Variants in CWC27 observed in about 807,000 individuals in gnomAD.
CWC27 encodes CWC27 spliceosome associated cyclophilin, also known as spliceosome-associated protein CWC27 homolog.
CWC27 carries 47 observed loss-of-function variants against 63.6 expected under a neutral mutation model. The ratio of observed to expected loss-of-function variants is 0.74; its 90% CI spans 0.58 to 0.94. The LOEUF is 0.94. CWC27 is among the 40% of genes least tolerant of loss of function. CWC27 has a pLI of 0.00. For missense variants in CWC27, 495 were observed against 554.3 expected (o/e 0.89, Z 1.07); for synonymous variants, 175 against 179.8 (o/e 0.97, Z 0.22).
At chr5:64,771,917 G>A (rs74785753) in intron 1 of CWC27, among the ~76,000 whole-genome samples, 2,336 of 152,264 alleles carry the variant, frequency 0.015, 60 homozygotes, top group African/African-American at 0.054. Context: ...CTAGGTGTAA[G>A]TTGCCTGTGG....
At chr5:64,839,323 G>C (rs1242430215) in intron 10 of CWC27, among the ~76,000 whole-genome samples, 1 of 152,180 alleles carries the variant, frequency 6.6e-6, no homozygotes, top group Non-Finnish European at 1.5e-5. Flanking sequence ...TGAAGAAGAT[G>C]AGAGTTTGAA....
intron 10 of CWC27, among the ~76,000 whole-genome samples, chr5:64,863,768 C>T (rs1351739352): frequency 1.3e-5 from 2 of 152,154 alleles, no homozygotes; most frequent in African/African-American, 2.4e-5. Context: ...GGGTTACAGG[C>T]ATGAGACACT....
intron 13 of CWC27, among the ~76,000 whole-genome samples, chr5:64,977,486 C>A (rs1387166963): frequency 6.6e-6 from 1 of 152,134 alleles, no homozygotes; most frequent in African/African-American, 2.4e-5. Flanking sequence ...GTAAAAAATG[C>A]ACAAGAAATA....
intron 11 of CWC27, among the ~76,000 whole-genome samples, chr5:64,887,093 G>A (rs1178112531): frequency 6.6e-6 from 1 of 151,786 alleles, no homozygotes; most frequent in Admixed American, 6.6e-5. Context: ...ATAATTATTA[G>A]TACCCTCATG....
At chr5:64,769,691 C>T (rs1274723058) in intron 1 of CWC27, among the ~76,000 whole-genome samples, 1 of 152,108 alleles carries the variant, frequency 6.6e-6, no homozygotes, top group Non-Finnish European at 1.5e-5. Flanking sequence ...GTCTGATAAG[C>T]GTGCTTGTGG....
intron 1 of CWC27, chr5:64,773,873 C>T (rs1282286017): frequency 1.3e-5 from 2 of 152,096 alleles, no homozygotes; most frequent in African/African-American, 2.4e-5. Context: ...AAGGCTATCA[C>T]GGGATTCTAT....
intron 10 of CWC27, among the ~76,000 whole-genome samples, chr5:64,841,740 A>G (rs1487430286): frequency 1.3e-5 from 2 of 152,158 alleles, no homozygotes; most frequent in Non-Finnish European, 2.9e-5. Flanking sequence ...CAATGGCACA[A>G]TCGCGGCTCA....
rs147511243 is a variant in CWC27 at position 64,856,709 on chromosome 5, G to A, written c.939-28734G>A. ...TATATTAAGTAGGTGGCAGTTTAAAGAGGTTGAAATTAAGTTAAAGGTAAG... is the reference window on the plus strand; with the variant it reads ...TATATTAAGTAGGTGGCAGTTTAAAAAGGTTGAAATTAAGTTAAAGGTAAG... On this transcript the variant is annotated intron_variant, in intron 10 of 13. Coordinates refer to ENST00000381070, the MANE Select transcript of CWC27 (RefSeq NM_005869.4). Among the ~76,000 whole-genome samples, 1,388 of 152,184 alleles carry A rather than the reference G, an allele frequency of 9.1e-3. 17 individuals are homozygous for A. Among genetic ancestry groups the A allele is most frequent in the African/African-American group, 0.032 (1,332 of 41,542 alleles).
chr5:64,873,904 C>T lies in CWC27; in HGVS notation c.939-11539C>T, dbSNP rs371201865. Among the ~76,000 whole-genome samples, 450 of 152,112 alleles carry T rather than the reference C, an allele frequency of 3.0e-3. 3 individuals are homozygous for T. Among genetic ancestry groups the T allele is most frequent in the African/African-American group, 0.01 (426 of 41,522 alleles). ...AGTTTTATTCTTCTGCATGTTTTCT[C>T]AGCACTATTTCTGGAAGAGGGTATT... On this transcript the variant is annotated intron_variant, in intron 10 of 13. Transcript: ENST00000381070.
chr5:64,882,916 T>G (rs1198324880), intron 10 of CWC27, among the ~76,000 whole-genome samples: 1 of 152,166 alleles, frequency 6.6e-6, no homozygotes, highest in Admixed American at 6.5e-5. Flanking sequence ...TTTAAATCTG[T>G]CTACTAGGAA....
intron 2 of CWC27, 110 bp from the exon 3 acceptor site, chr5:64,781,811 G>T: frequency 2.0e-6 from 1 of 505,168 alleles, no homozygotes; most frequent in Non-Finnish European, 3.5e-6. Flanking sequence ...GCTGGGGAGC[G>T]TATTTAACAT....
intron 10 of CWC27, among the ~76,000 whole-genome samples, chr5:64,842,817 G>T (rs1745879870): frequency 6.6e-6 from 1 of 151,294 alleles, no homozygotes; most frequent in African/African-American, 2.4e-5. Context: ...GCCCAAGCTG[G>T]TCTCAAACTC....
At chr5:64,785,798 A>T (rs2367003) in intron 5 of CWC27, among the ~76,000 whole-genome samples, 79,335 of 151,944 alleles carry the variant, frequency 0.52, 21,390 homozygotes, top group East Asian at 0.85. Flanking sequence ...CCAATGACTG[A>T]AAAGCTTACC....
At chr5:64,970,406 G>T (rs1749102493) in intron 11 of CWC27, among the ~76,000 whole-genome samples, 1 of 151,854 alleles carries the variant, frequency 6.6e-6, no homozygotes, top group South Asian at 2.1e-4. Context: ...TAGAGATGGG[G>T]TTTCACCGTG....
intron 10 of CWC27, among the ~76,000 whole-genome samples, chr5:64,848,936 G>A (rs1274055754): frequency 1.3e-5 from 2 of 152,106 alleles, no homozygotes; most frequent in Non-Finnish European, 2.9e-5. Flanking sequence ...ACAAGGTAAG[G>A]ATGCCCATTC....
chr5:64,941,940 A>G (rs1748490761), intron 11 of CWC27, among the ~76,000 whole-genome samples: 1 of 151,976 alleles, frequency 6.6e-6, no homozygotes, highest in African/African-American at 2.4e-5. Flanking sequence ...ATATTAAATA[A>G]TGTACAAAAA....
chr5:64,933,495 C>CTTTT (rs763750959), intron 11 of CWC27, among the ~76,000 whole-genome samples: 3 of 138,528 alleles, frequency 2.2e-5, no homozygotes, highest in East Asian at 2.1e-4. Flanking sequence ...TTTTCTTTCT[C>CTTTT]TTTTTTTTTT....
intron 3 of CWC27, among the ~76,000 whole-genome samples, 174 bp downstream of exon 3, chr5:64,782,207 G>A (rs567757058): frequency 6.6e-6 from 1 of 152,170 alleles, no homozygotes; most frequent in African/African-American, 2.4e-5. Flanking sequence ...CAGCACTTTG[G>A]GAAGCCGAGG....
rs536334672 is a variant in CWC27 at position 64,938,180 on chromosome 5, A to T, written c.1043-33523A>T. 1.2e-4 allele frequency among the ~76,000 whole-genome samples: 19 copies of T among 152,160 alleles called. No individual in the cohort carries two copies. In the East Asian group the frequency reaches 3.5e-3, roughly 28 times the overall value. ...AGCTGGTTATTTTGCCCATTAGTTG[A>T]TGCGGTATCTTCATAGTGTCGATGG... On this transcript the variant is annotated intron_variant, in intron 11 of 13. Transcript: ENST00000381070.
Sources: gnomAD v4.1 joint callset for allele counts (sites outside exome capture counted in the v4.1 genomes callset) on GRCh38, gnomAD v4.1.1 for gene constraint, MANE v1.5 for transcripts, NCBI Gene and HGNC (gene_info 2026-07-23, HGNC 2026-07-21) for gene names.